The following ARHGEF26 variants were observed in gnomAD, a reference collection of about 807,000 sequenced individuals.
ARHGEF26 encodes the protein Rho guanine nucleotide exchange factor (GEF) 26.
Under a neutral mutation model 89.4 loss-of-function variants are expected in ARHGEF26, and 59 were observed. The observed-to-expected ratio is 0.66, with a 90% CI of 0.54 to 0.82. ARHGEF26 has a LOEUF of 0.82. Among genes scored for constraint, ARHGEF26 ranks in the 40% least tolerant of loss-of-function variants. ARHGEF26 has a pLI of 0.00. For synonymous variants in ARHGEF26, 500 were observed against 428.4 expected (o/e 1.17, Z -2.06); for missense variants, 1,234 against 1,085.6 (o/e 1.14, Z -1.92).
chr3:154,216,491 T>A (rs1346646378), intron 9 of ARHGEF26, among the ~76,000 whole-genome samples: 1,394 of 39,340 alleles, frequency 0.035, 26 homozygotes, highest in African/African-American at 0.11. Flanking sequence ...TTTTTTTTTT[T>A]ATTTTTTTTT....
rs774709835 is a variant in ARHGEF26, at chr3:154,122,397, G to C, written c.405G>C (p.Leu135Phe). Residue 135 changes from leucine to phenylalanine, a missense_variant, in exon 2 of 15, where the codon TTG becomes TTC. By Grantham distance (22) the Leu-to-Phe change is conservative. Coordinates refer to ENST00000465093, the MANE Select transcript of ARHGEF26 (RefSeq NM_015595.4). ...CCCCAGCAAATGGCGCGGTGACCTT[G>C]CCTGCGCCGCCGCCGCCGCCGGTTC... is the stretch of plus-strand genomic sequence containing the variant. ...PKSPANGAVTLPAPPPPPVLR... is the reference protein window; with the variant it reads ...PKSPANGAVTFPAPPPPPVLR... 1.2e-6 allele frequency: 2 copies of C among 1,609,850 alleles called. No individual in the cohort carries two copies. The highest frequency in any genetic ancestry group is 2.7e-5 in the African/African-American group (2 of 74,880).
chr3:154,165,637 C>A (rs1713806), intron 6 of ARHGEF26, among the ~76,000 whole-genome samples: 107,663 of 152,016 alleles, frequency 0.71, 38,356 homozygotes, highest in South Asian at 0.77. Context: ...GATCACATTT[C>A]TTTTTCCTGA....
At chr3:154,220,819 T>C (rs1383215121) in intron 10 of ARHGEF26, among the ~76,000 whole-genome samples, 3 of 152,098 alleles carry the variant, frequency 2.0e-5, no homozygotes, top group Non-Finnish European at 4.4e-5. Flanking sequence ...CTAATTAATC[T>C]ATATAAATTT....
chr3:154,183,959 C>CT, intron 6 of ARHGEF26, among the ~76,000 whole-genome samples: 1 of 148,442 alleles, frequency 6.7e-6, no homozygotes, highest in East Asian at 2.0e-4. Flanking sequence ...ATGGTTTCTT[C>CT]TTTTTTCAAT....
intron 2 of ARHGEF26, 90 bp from the exon 3 acceptor site, chr3:154,124,320 C>G: frequency 2.3e-6 from 2 of 860,408 alleles, no homozygotes; most frequent in Non-Finnish European, 1.7e-6. Context: ...AGTATTTTTA[C>G]TTAAAATAGC....
chr3:154,154,148 C>G (rs578162611), intron 6 of ARHGEF26, among the ~76,000 whole-genome samples: 7 of 152,076 alleles, frequency 4.6e-5, no homozygotes, highest in Admixed American at 1.3e-4. Flanking sequence ...TCACGTTATT[C>G]TATTTATTAG....
intron 6 of ARHGEF26, among the ~76,000 whole-genome samples, chr3:154,173,803 A>G (rs1712624324): frequency 6.6e-6 from 1 of 152,174 alleles, no homozygotes; most frequent in African/African-American, 2.4e-5. Flanking sequence ...TTCCTGACAA[A>G]CAAGAGCAGA....
chr3:154,174,058 G>T (rs1037756794), intron 6 of ARHGEF26, among the ~76,000 whole-genome samples: 1 of 152,158 alleles, frequency 6.6e-6, no homozygotes. Flanking sequence ...ATTCAGACAA[G>T]ATCTGACTCC....
rs541584374 is a variant in ARHGEF26 at position 154,218,872 on chromosome 3, A to G, written c.1935+914A>G. On this transcript the variant is annotated intron_variant, in intron 10 of 14. Coordinates refer to ENST00000465093, the MANE Select transcript of ARHGEF26 (RefSeq NM_015595.4). ...AAAAGAAACCCAGAGAATAATTGTC[A>G]GCAGAGTCACTTGGCTAGTGGTGAT... Among the ~76,000 whole-genome samples the G allele has an allele frequency of 2.0e-5, 3 of 152,358 alleles. 1 individual carries two copies. The highest frequency in any genetic ancestry group is 4.8e-5 in the African/African-American group (2 of 41,590).
At chr3:154,212,993 A>T (rs1017661709) in intron 9 of ARHGEF26, among the ~76,000 whole-genome samples, 8 of 152,178 alleles carry the variant, frequency 5.3e-5, no homozygotes, top group Admixed American at 2.6e-4. Flanking sequence ...AAGTGGGTTC[A>T]TGGGAAGAAA....
chr3:154,202,686 G>A (rs566494982), intron 9 of ARHGEF26, among the ~76,000 whole-genome samples: 1 of 151,670 alleles, frequency 6.6e-6, no homozygotes, highest in Non-Finnish European at 1.5e-5. Flanking sequence ...GTTGAGCAGT[G>A]GTTTGTAGTT....
intron 10 of ARHGEF26, among the ~76,000 whole-genome samples, chr3:154,218,567 A>G (rs1200354324): frequency 6.6e-6 from 1 of 152,246 alleles, no homozygotes; most frequent in African/African-American, 2.4e-5. Flanking sequence ...TGAGTTTTTA[A>G]TGGGAAGTGA....
chr3:154,250,961 TTA>T (rs984483549), intron 12 of ARHGEF26, among the ~76,000 whole-genome samples: 93 of 98,294 alleles, frequency 9.5e-4, no homozygotes, highest in African/African-American at 4.5e-3. Flanking sequence ...TTGTCCTGTA[TTA>T]GAGAGAGAGA....
intron 6 of ARHGEF26, among the ~76,000 whole-genome samples, chr3:154,155,418 T>A (rs541526739): frequency 3.3e-5 from 5 of 152,142 alleles, no homozygotes; most frequent in Admixed American, 3.3e-4. Flanking sequence ...GAAAGAGAAT[T>A]ATCTGCTTAA....
chr3:154,179,044 A>G (rs889518239), intron 6 of ARHGEF26, among the ~76,000 whole-genome samples: 3 of 152,202 alleles, frequency 2.0e-5, no homozygotes, highest in East Asian at 1.9e-4. Context: ...ATTTAATAGT[A>G]ATTTCCAAGT....
chr3:154,170,579 C>T (rs1330179781), intron 6 of ARHGEF26, among the ~76,000 whole-genome samples: 1 of 152,168 alleles, frequency 6.6e-6, no homozygotes, highest in African/African-American at 2.4e-5. Context: ...ACCATTTGTC[C>T]TGTGTGACCT....
intron 9 of ARHGEF26, among the ~76,000 whole-genome samples, chr3:154,208,763 ATTTT>A (rs35181733): frequency 9.3e-6 from 1 of 107,380 alleles, no homozygotes; most frequent in Non-Finnish European, 1.8e-5. Context: ...TGCCAATTGC[ATTTT>A]TTTTTTTTTT....
At chr3:154,218,024 G>T in intron 10 of ARHGEF26, 66 bp downstream of exon 10, 1 of 1,375,596 alleles carries the variant, frequency 7.3e-7, no homozygotes, top group African/African-American at 1.4e-5. Flanking sequence ...AGAGACAGTT[G>T]AGGGCAACAA....
intron 3 of ARHGEF26, among the ~76,000 whole-genome samples, chr3:154,124,999 C>T (rs527348792): frequency 6.8e-6 from 1 of 148,096 alleles, no homozygotes; most frequent in Non-Finnish European, 1.5e-5. Flanking sequence ...AAAGCAGCTT[C>T]AACCAGGTGT....
Sources: gnomAD v4.1 joint callset for allele counts (sites outside exome capture counted in the v4.1 genomes callset) on GRCh38, gnomAD v4.1.1 for gene constraint, MANE v1.5 for transcripts, NCBI Gene and HGNC (gene_info 2026-07-23, HGNC 2026-07-21) for gene names.